Variants in MUC5AC observed in about 807,000 individuals in gnomAD.
MUC5AC encodes the protein mucin-5AC.
Under a neutral mutation model 169.7 loss-of-function variants are expected in MUC5AC, and 158 were observed. The observed-to-expected ratio is 0.93, with a 90% CI of 0.82 to 1.06. The LOEUF is 1.06. Among genes scored for constraint, MUC5AC ranks in the 50% least tolerant of loss-of-function variants. The pLI, the probability that MUC5AC is intolerant of heterozygous loss-of-function variation, is 0.00. For missense variants in MUC5AC, 4,359 were observed against 3,089.9 expected (o/e 1.41, Z -9.74); for synonymous variants, 1,975 against 1,237.0 (o/e 1.60, Z -12.52).
chr11:1,174,418 T>G, intron 16 of MUC5AC, 78 bp from the exon 17 acceptor site: 2 of 853,462 alleles, frequency 2.3e-6, no homozygotes, highest in Admixed American at 4.7e-5. Context: ...GGCTGCTGGA[T>G]GTGTGGCCTG....
chr11:1,170,912 AC>A (rs1860494097), intron 15 of MUC5AC, among the ~76,000 whole-genome samples: 7 of 84,808 alleles, frequency 8.3e-5, no homozygotes, highest in Non-Finnish European at 1.2e-4. Flanking sequence ...CCACTCACTC[AC>A]CTCACTCACT....
chr11:1,165,610 T>A lies in MUC5AC; in HGVS notation c.1248-12T>A. On this transcript the variant is annotated splice_polypyrimidine_tract_variant and intron_variant, in intron 10 of 48. Coordinates refer to ENST00000621226, the MANE Select transcript of MUC5AC (RefSeq NM_001304359.2). ...GGGCCGGCACCCACGTGGCACCATC[T>A]CTTGCTCTCAGCACCTGCTCCGGAG... 6.2e-7 allele frequency: 1 copy of A among 1,611,504 alleles called. No homozygotes were observed. Among genetic ancestry groups the A allele is most frequent in the African/African-American group, 1.3e-5 (1 of 75,030 alleles).
chr11:1,159,424 T>G (rs1264974173), intron 1 of MUC5AC, among the ~76,000 whole-genome samples: 4 of 139,400 alleles, frequency 2.9e-5, no homozygotes, highest in African/African-American at 8.3e-5. Context: ...GGCGGGGCTG[T>G]GCGGGGTTGT....
At position 1,194,637 on chromosome 11, in the gene MUC5AC, A is replaced by G; in HGVS notation, c.15157A>G (p.Ser5053Gly). 1.3e-6 allele frequency: 1 copy of G among 763,604 alleles called. No individual in the cohort carries two copies. The highest frequency in any genetic ancestry group is 2.4e-6 in the Non-Finnish European group (1 of 416,980). 47.3% of individuals were successfully genotyped at this position (763,604 alleles called of 1,614,324 possible). The change falls in exon 35 of 49, where the codon AGC (serine) becomes GGC (glycine). Residue 5053 changes from serine (S) to glycine (G), a missense_variant. Ser to Gly is a moderately conservative substitution (Grantham distance 56). Transcript: ENST00000621226. The part of the protein sequence containing the change: ...GLIFSVEVPF[S>G]KFANNTEGQC... ...CATCTTCTCCGTGGAGGTGCCCTTC[A>G]GCAAGTTTGCCAACAACACCGAGGG...
At chr11:1,174,658 T>G in intron 17 of MUC5AC, 36 bp downstream of exon 17, 1 of 833,824 alleles carries the variant, frequency 1.2e-6, no homozygotes, top group East Asian at 2.8e-5. Context: ...TTTCCCTCGC[T>G]GGGTGGCCGC....
At chr11:1,168,111 C>T (rs2133726162) in intron 12 of MUC5AC, 124 bp downstream of exon 12, 1 of 820,034 alleles carries the variant, frequency 1.2e-6, no homozygotes, top group South Asian at 1.6e-5. Flanking sequence ...CCTCTGGCAA[C>T]ACTGGCTGTG....
intron 17 of MUC5AC, 101 bp downstream of exon 17, chr11:1,174,723 G>T (rs1002894974): frequency 1.7e-5 from 9 of 538,368 alleles, no homozygotes; most frequent in African/African-American, 3.9e-5. Flanking sequence ...CCCGTCCTCT[G>T]TGCTGGGCTT....
At chr11:1,200,250 C>T (rs1242678978) in intron 48 of MUC5AC, among the ~76,000 whole-genome samples, 188 bp from the exon 49 acceptor site, 1 of 152,224 alleles carries the variant, frequency 6.6e-6, no homozygotes, top group Admixed American at 6.5e-5. Flanking sequence ...AGCACGGAGC[C>T]GGGGTCGGCC....
intron 15 of MUC5AC, among the ~76,000 whole-genome samples, chr11:1,171,684 CCCAT>C (rs1590139295): frequency 7.0e-6 from 1 of 142,618 alleles, no homozygotes; most frequent in African/African-American, 2.6e-5. Context: ...CACTCACTCA[CCCAT>C]TCACCCACTC....
At chr11:1,170,632 CTCACCCAT>C (rs1441072138) in intron 15 of MUC5AC, among the ~76,000 whole-genome samples, 3 of 146,206 alleles carry the variant, frequency 2.1e-5, no homozygotes, top group South Asian at 2.2e-4. Context: ...CACTCACCCA[CTCACCCAT>C]TCACCCATTC....
intron 15 of MUC5AC, 52 bp from the exon 16 acceptor site, chr11:1,172,377 A>T (rs1489881308): frequency 2.5e-6 from 1 of 398,550 alleles, no homozygotes; most frequent in Non-Finnish European, 4.4e-6. Flanking sequence ...GCTGGGTGGG[A>T]TGAGTGTGCT....
Position 1,188,091 on chromosome 11 carries a change from C to T in MUC5AC, c.9946C>T (p.Arg3316Cys), listed in dbSNP as rs1554928462. 11 of 740,886 alleles carry T rather than the reference C, an allele frequency of 1.5e-5. No individual in the cohort carries two copies. The highest frequency in any genetic ancestry group is 2.5e-5 in the Non-Finnish European group (10 of 404,160). 45.9% of individuals were successfully genotyped at this position (740,886 alleles called of 1,614,324 possible). The change falls in exon 31 of 49, where the codon CGT becomes TGT. Residue 3316 changes from arginine to cysteine, a missense_variant. Coordinates refer to ENST00000621226, the MANE Select transcript of MUC5AC (RefSeq NM_001304359.2). ...CAAGATGTGCCTCAACTACGAGGTG[C>T]GTGTGCTCTGCTGCGAGACCCCTAA... Reference protein sequence around the residue: ...PFKMCLNYEVRVLCCETPKGC... With the variant: ...PFKMCLNYEVCVLCCETPKGC...
Position 1,189,533 on chromosome 11 carries a change from A to C in MUC5AC, c.11388A>C (p.Thr3796=). The change falls in exon 31 of 49, where the codon ACA becomes ACC. Residue 3796 remains threonine, a synonymous_variant. Transcript: ENST00000621226. ...APITSTISAP[T]TSTTSTPQTS... is the part of the protein sequence containing the mutation. ...TAACCAGCACAATCTCTGCCCCTAC[A>C]ACCAGCACAACCTCCACTCCACAGA... The C allele has an allele frequency of 1.7e-6, 1 of 600,268 alleles. No homozygotes were observed. The highest frequency in any genetic ancestry group is 1.9e-5 in the African/African-American group (1 of 53,874). 37.2% of individuals were successfully genotyped at this position (600,268 alleles called of 1,614,324 possible). A position where few individuals can be genotyped will look rare whatever the true frequency, so the allele number is the denominator to read the frequency against.
intron 6 of MUC5AC, 138 bp downstream of exon 6, chr11:1,163,183 C>A: frequency 1.3e-6 from 1 of 766,890 alleles, no homozygotes. Context: ...CCTAGCACAG[C>A]ACACACGTGC....
Position 1,196,381 on chromosome 11 carries a change from C to T in MUC5AC, c.15638-7C>T. 1.3e-6 allele frequency: 1 copy of T among 764,802 alleles called. No individual in the cohort carries two copies. Among genetic ancestry groups the T allele is most frequent in the Non-Finnish European group, 2.4e-6 (1 of 417,704 alleles). 47.4% of individuals were successfully genotyped at this position (764,802 alleles called of 1,614,324 possible). ...ACCCTCTCAGGTGTGGCTTCCCCTC[C>T]CCACAGCATTCACCTGCCCAGCCGA... On this transcript the variant is annotated splice_region_variant and splice_polypyrimidine_tract_variant and intron_variant, in intron 37 of 48. Transcript: ENST00000621226.
At position 1,190,083 on chromosome 11, in the gene MUC5AC, T is replaced by C. The variant is rs1861051349; in HGVS notation, c.11938T>C (p.Tyr3980His). 1.3e-6 allele frequency: 1 copy of C among 763,212 alleles called. No individual in the cohort carries two copies. 47.3% of individuals were successfully genotyped at this position (763,212 alleles called of 1,614,324 possible). Residue 3980 changes from tyrosine to histidine, a missense_variant, in exon 31 of 49, where the codon TAC (tyrosine) becomes CAC (histidine). Tyr to His is a moderately conservative substitution (Grantham distance 83). Transcript: ENST00000621226. ...ACCCCACGGTGGGGACAAGGAAACC[T>C]ACAACAACATCATCAGGAGTGGGGA... ...PGPHGGDKET[Y>H]NNIIRSGEKI...
In MUC5AC at chr11:1,168,870, G is replaced by A. The variant is rs780847563; in HGVS notation, c.1714G>A (p.Gly572Arg). 2 of 1,596,418 alleles carry A rather than the reference G, an allele frequency of 1.3e-6. No individual in the cohort carries two copies. The highest frequency in any genetic ancestry group is 8.5e-7 in the Non-Finnish European group (1 of 1,170,210). Residue 572 changes from glycine to arginine, a missense_variant, in exon 15 of 49, where the codon GGG becomes AGG. Transcript: ENST00000621226. ...GCCTAACCCGCCCCCAGGTCTCTGTGGGAACTTCAACAGCATCCAGGCCGA... is the reference window on the plus strand; with the variant it reads ...GCCTAACCCGCCCCCAGGTCTCTGTAGGAACTTCAACAGCATCCAGGCCGA... ...KLRGQTCGLC[G>R]NFNSIQADDF...
intron 19 of MUC5AC, 69 bp downstream of exon 19, chr11:1,175,339 C>A: frequency 2.5e-6 from 1 of 398,598 alleles, no homozygotes; most frequent in Non-Finnish European, 4.4e-6. Flanking sequence ...TGAAAAATGG[C>A]TTCAGGGTTA....
chr11:1,199,236 G>T (rs35288961), intron 45 of MUC5AC, 51 bp downstream of exon 45: 113,172 of 724,058 alleles, frequency 0.16, 10,479 homozygotes, highest in Non-Finnish European at 0.19. Flanking sequence ...GAGCACTGGG[G>T]CATGTGGGGA....
Sources: gnomAD v4.1 joint callset for allele counts (sites outside exome capture counted in the v4.1 genomes callset) on GRCh38, gnomAD v4.1.1 for gene constraint, MANE v1.5 for transcripts, NCBI Gene and HGNC (gene_info 2026-07-23, HGNC 2026-07-21) for gene names.